AUTS2: variants seen among roughly 807,000 people sequenced by gnomAD.
AUTS2 encodes the protein activator of transcription and developmental regulator AUTS2, also known as autism susceptibility gene 2 protein.
In AUTS2, 17 loss-of-function variants were observed where a neutral mutation model predicts 112.4. The ratio of observed to expected loss-of-function variants is 0.15; its 90% CI spans 0.10 to 0.23. The LOEUF (loss-of-function observed/expected upper bound fraction) is 0.23. Among genes scored for constraint, AUTS2 ranks in the 10% least tolerant of loss-of-function variants. The pLI is 1.00. For missense variants in AUTS2, 1,510 were observed against 1,701.6 expected (o/e 0.89, Z 1.98); for synonymous variants, 751 against 702.7 (o/e 1.07, Z -1.09).
chr7:70,070,591 C>T (rs1313363013), intron 2 of AUTS2, among the ~76,000 whole-genome samples: 1 of 151,350 alleles, frequency 6.6e-6, no homozygotes, highest in East Asian at 2.0e-4. Context: ...AGAGGCTAGG[C>T]GCAGTGGCTT....
intron 1 of AUTS2, among the ~76,000 whole-genome samples, chr7:69,788,091 C>G (rs944141343): frequency 2.0e-5 from 3 of 152,106 alleles, no homozygotes; most frequent in Non-Finnish European, 4.4e-5. Context: ...AGAAAAATAT[C>G]GTAAAAACCT....
At chr7:70,441,749 A>G (rs1796130858) in intron 5 of AUTS2, among the ~76,000 whole-genome samples, 1 of 152,178 alleles carries the variant, frequency 6.6e-6, no homozygotes, top group Non-Finnish European at 1.5e-5. Context: ...CTTGTGTGGG[A>G]AGGGGCTTCT....
chr7:69,970,328 A>G (rs1052701403), intron 2 of AUTS2, among the ~76,000 whole-genome samples: 16 of 152,146 alleles, frequency 1.1e-4, no homozygotes, highest in African/African-American at 3.6e-4. Context: ...ATCTAGCATA[A>G]TATCTTTCTT....
chr7:70,398,769 A>G (rs1211721691), intron 4 of AUTS2, among the ~76,000 whole-genome samples: 2 of 152,138 alleles, frequency 1.3e-5, no homozygotes, highest in Admixed American at 6.5e-5. Context: ...AATAGAGGTG[A>G]GAGTGGATAT....
At position 69,911,433 on chromosome 7, in the gene AUTS2, AGT is replaced by A. The variant is rs368819466; in HGVS notation, c.522+11940_522+11941del. Among the ~76,000 whole-genome samples the A allele has an allele frequency of 1.8e-4, 27 of 152,246 alleles. No homozygotes were observed. The East Asian group carries it at 4.4e-3, about 25-fold the overall frequency. ...CTGCAACGTGGCGAGCAGGGGGGAA[AGT>A]GTGTTTCAGCCCTGTTTGTGTTACA... On this transcript the variant is annotated intron_variant, in intron 2 of 18. Transcript: ENST00000342771.
At chr7:70,580,920 C>T (rs1051118708) in intron 5 of AUTS2, among the ~76,000 whole-genome samples, 8 of 152,096 alleles carry the variant, frequency 5.3e-5, no homozygotes, top group African/African-American at 1.9e-4. Flanking sequence ...TCTTGGCTTT[C>T]ATCAGATTTT....
At chr7:70,279,129 A>G (rs375291049) in intron 4 of AUTS2, among the ~76,000 whole-genome samples, 10 of 152,180 alleles carry the variant, frequency 6.6e-5, no homozygotes, top group East Asian at 5.8e-4. Flanking sequence ...TGCATCTCTA[A>G]TAAGCACTGA....
At chr7:69,873,730 A>G (rs1261932954) in intron 1 of AUTS2, among the ~76,000 whole-genome samples, 1 of 152,218 alleles carries the variant, frequency 6.6e-6, no homozygotes. Flanking sequence ...AATGACTCAG[A>G]TCTTGTTAGA....
chr7:70,630,230 G>C (rs1377879089), intron 5 of AUTS2, among the ~76,000 whole-genome samples: 1 of 152,168 alleles, frequency 6.6e-6, no homozygotes, highest in Non-Finnish European at 1.5e-5. Flanking sequence ...GGAGCGGAAA[G>C]CTGGGCTCTG....
intron 1 of AUTS2, among the ~76,000 whole-genome samples, chr7:69,884,255 C>T (rs1794179873): frequency 6.6e-6 from 1 of 152,166 alleles, no homozygotes; most frequent in Non-Finnish European, 1.5e-5. Flanking sequence ...AACTAAAATG[C>T]AGCTTCTTAA....
chr7:70,179,925 A>G (rs1293452809), intron 4 of AUTS2, among the ~76,000 whole-genome samples: 2 of 152,178 alleles, frequency 1.3e-5, no homozygotes, highest in African/African-American at 2.4e-5. Context: ...CATGGGCTGT[A>G]GCTCTGTGGC....
chr7:70,659,409 A>T (rs1327007647), intron 5 of AUTS2, among the ~76,000 whole-genome samples: 2 of 152,182 alleles, frequency 1.3e-5, no homozygotes, highest in Non-Finnish European at 2.9e-5. Flanking sequence ...AGGTGATTCC[A>T]TGTGCGGTCC....
chr7:70,492,309 C>T (rs1179584686), intron 5 of AUTS2, among the ~76,000 whole-genome samples: 2 of 147,578 alleles, frequency 1.4e-5, no homozygotes, highest in African/African-American at 5.1e-5. Flanking sequence ...CCAGCCACCA[C>T]TCCCGTCAGG....
rs111924939 is a variant in AUTS2, at chr7:70,090,013, T to C, written c.523-28119T>C. On this transcript the variant is annotated intron_variant, in intron 2 of 18. Transcript: ENST00000342771. ...GACAGAGAGACTGTTTCAAAACAAA[T>C]AAATAAATAAATAAATAAATAAATA... Among the ~76,000 whole-genome samples the C allele has an allele frequency of 4.4e-3, 519 of 118,484 alleles. 2 individuals carry two copies. The highest frequency in any genetic ancestry group is 0.017 in the African/African-American group (428 of 24,746). The allele number at this position is 118,484 out of a possible 152,430, so 77.7% of individuals were successfully genotyped here.
intron 5 of AUTS2, among the ~76,000 whole-genome samples, chr7:70,607,201 T>G (rs1803828649): frequency 6.6e-6 from 1 of 151,694 alleles, no homozygotes; most frequent in Non-Finnish European, 1.5e-5. Flanking sequence ...ACAGTTCCTT[T>G]AGTAGCTGCG....
intron 1 of AUTS2, among the ~76,000 whole-genome samples, chr7:69,600,878 T>C (rs1335704188): frequency 6.6e-6 from 1 of 151,992 alleles, no homozygotes; most frequent in Admixed American, 6.6e-5. Context: ...TTCTAAGTGA[T>C]TGGCTTTGTG....
chr7:69,881,763 C>T (rs897052488), intron 1 of AUTS2, among the ~76,000 whole-genome samples: 8 of 152,162 alleles, frequency 5.3e-5, no homozygotes, highest in Non-Finnish European at 1.0e-4. Context: ...TCATAAATTA[C>T]AGAAGGCAGA....
chr7:69,990,539 G>T (rs933722055), intron 2 of AUTS2, among the ~76,000 whole-genome samples: 5 of 152,178 alleles, frequency 3.3e-5, no homozygotes, highest in African/African-American at 1.2e-4. Context: ...GTGTGTGTAT[G>T]TCAGGGGAGG....
intron 4 of AUTS2, among the ~76,000 whole-genome samples, chr7:70,336,188 G>A (rs371066693): frequency 3.3e-5 from 5 of 152,040 alleles, no homozygotes; most frequent in East Asian, 1.9e-4. Flanking sequence ...AAAGCCATAC[G>A]TGTTATTTGT....
Sources: allele counts gnomAD v4.1 joint callset (sites outside exome capture counted in the v4.1 genomes callset), GRCh38; gene constraint gnomAD v4.1.1; transcripts MANE v1.5; gene names NCBI Gene and HGNC (gene_info 2026-07-23, HGNC 2026-07-21).